The following LAMB1 variants were observed in gnomAD, a reference collection of about 807,000 sequenced individuals.
LAMB1 encodes the protein laminin subunit beta 1, also known as laminin subunit beta-1.
Under a neutral mutation model 222.3 loss-of-function variants are expected in LAMB1, and 121 were observed. The observed-to-expected ratio is 0.54, with a 90% CI of 0.47 to 0.63. The LOEUF is 0.63. Among genes scored for constraint, LAMB1 ranks in the 30% least tolerant of loss-of-function variants. The pLI, the probability that LAMB1 is intolerant of heterozygous loss-of-function variation, is 0.00. For missense variants in LAMB1, 2,172 were observed against 2,240.8 expected (o/e 0.97, Z 0.62); for synonymous variants, 794 against 807.2 (o/e 0.98, Z 0.28).
chr7:107,932,447 G>C, intron 27 of LAMB1, 70 bp from the exon 28 acceptor site: 2 of 1,481,944 alleles, frequency 1.3e-6, no homozygotes, highest in Non-Finnish European at 1.9e-6. Flanking sequence ...AGCTGTGCAG[G>C]GCCTGGGTGG....
intron 23 of LAMB1, among the ~76,000 whole-genome samples, chr7:107,951,686 T>C (rs183687264): frequency 1.2e-3 from 183 of 152,312 alleles, no homozygotes; most frequent in Non-Finnish European, 2.1e-3. Context: ...ATGCTGGGTA[T>C]GGCTAATTGG....
chr7:107,972,986 A>AT lies in LAMB1; in HGVS notation c.1562+5dup. ...AGGACAAGAGCATACGTAGAGCTCC[A>AT]TTTACCTGTTGTTTAAGGCTCCCCC... On this transcript the variant is annotated splice_donor_region_variant and intron_variant, in intron 13 of 33. Coordinates refer to ENST00000222399, the MANE Select transcript of LAMB1 (RefSeq NM_002291.3). The AT allele has an allele frequency of 6.2e-7, 1 of 1,609,540 alleles. No individual in the cohort carries two copies. Among genetic ancestry groups the AT allele is most frequent in the Non-Finnish European group, 8.5e-7 (1 of 1,175,836 alleles).
At chr7:107,985,680 A>T (rs2034061816) in intron 7 of LAMB1, among the ~76,000 whole-genome samples, 2 of 151,628 alleles carry the variant, frequency 1.3e-5, no homozygotes, top group Non-Finnish European at 2.9e-5. Flanking sequence ...TATTTGGGTC[A>T]GGCGTGGTGG....
At chr7:108,002,780 G>A in intron 2 of LAMB1, 69 bp downstream of exon 2, 1 of 1,605,482 alleles carries the variant, frequency 6.2e-7, no homozygotes, top group Non-Finnish European at 8.5e-7. Flanking sequence ...AGGTGAGCAA[G>A]CAGCTTTTGG....
chr7:107,986,415 CT>C (rs1209005154), intron 5 of LAMB1, 52 bp from the exon 6 acceptor site: 8 of 1,483,960 alleles, frequency 5.4e-6, no homozygotes, highest in Non-Finnish European at 7.3e-6. Context: ...GTAGTCTCTA[CT>C]TTTTTTAATC....
At position 107,929,471 on chromosome 7, in the gene LAMB1, C is replaced by G; in HGVS notation, c.4686G>C (p.Gln1562His). Residue 1562 changes from glutamine to histidine, a missense_variant, in exon 30 of 34, where the codon CAG (glutamine) becomes CAC (histidine). Gln to His is a conservative substitution (Grantham distance 24, BLOSUM62 0). Coordinates refer to ENST00000222399, the MANE Select transcript of LAMB1 (RefSeq NM_002291.3). ...ESLSQVEVIL[Q>H]HSAADIARAE... is the part of the protein sequence containing the mutation. ...CTCTGGCAATGTCAGCAGCACTATG[C>G]TGAAGAATAACCTCTACTTGAGAAA... is the stretch of plus-strand genomic sequence containing the variant. 1.2e-6 allele frequency: 2 copies of G among 1,614,126 alleles called. No homozygotes were observed. The highest frequency in any genetic ancestry group is 1.7e-6 in the Non-Finnish European group (2 of 1,180,008).
chr7:107,937,218 G>T lies in LAMB1; in HGVS notation c.3821C>A (p.Thr1274Lys). Residue 1274 changes from threonine to lysine, a missense_variant, in exon 26 of 34, where the codon ACA (threonine) becomes AAA (lysine). By Grantham distance (78) the Thr-to-Lys change is moderately conservative (BLOSUM62 -1). Coordinates refer to ENST00000222399, the MANE Select transcript of LAMB1 (RefSeq NM_002291.3). ...GGCTGTGCTGTTGCTTTGGGAAGTT[G>T]TGTCAGATAATTTCACTTCTACTTG... ...MAQVEVKLSDTTSQSNSTAKE... is the reference protein window; with the variant it reads ...MAQVEVKLSDKTSQSNSTAKE... 1 of 1,613,866 alleles carries T rather than the reference G, an allele frequency of 6.2e-7. No homozygotes were observed. The highest frequency in any genetic ancestry group is 8.5e-7 in the Non-Finnish European group (1 of 1,179,814).
intron 2 of LAMB1, chr7:108,002,023 G>C (rs2034397755): frequency 6.9e-7 from 1 of 1,445,446 alleles, no homozygotes; most frequent in Non-Finnish European, 9.1e-7. Flanking sequence ...ACCCTGATCA[G>C]CCCCGGGGAG....
rs201609456 is a variant in LAMB1 at position 107,929,514 on chromosome 7, C to T, written c.4643G>A (p.Arg1548His). 33 of 1,614,022 alleles carry T rather than the reference C, an allele frequency of 2.0e-5. No individual in the cohort carries two copies. The highest frequency in any genetic ancestry group is 2.7e-5 in the African/African-American group (2 of 75,044). The change falls in exon 30 of 34, where the codon CGT becomes CAT. Residue 1548 changes from arginine (R) to histidine (H), a missense_variant. By Grantham distance (29) the Arg-to-His change is conservative. Coordinates refer to ENST00000222399, the MANE Select transcript of LAMB1 (RefSeq NM_002291.3). ...QQLQNLTEDIRERVESLSQVE... is the reference protein window; with the variant it reads ...QQLQNLTEDIHERVESLSQVE... ...TTGAGAAAGGCTTTCAACTCGTTCA[C>T]GTATATCTTCTGTCAAGTTCTGTAA...
chr7:107,956,450 G>GACC (rs2033378232), intron 20 of LAMB1, among the ~76,000 whole-genome samples: 1 of 152,144 alleles, frequency 6.6e-6, no homozygotes, highest in Admixed American at 6.5e-5. Flanking sequence ...CTACTTGCAG[G>GACC]ACCACTGCGT....
intron 24 of LAMB1, 113 bp downstream of exon 24, chr7:107,951,113 T>G: frequency 1.4e-6 from 1 of 716,432 alleles, no homozygotes; most frequent in Non-Finnish European, 2.4e-6. Flanking sequence ...TAAATACAGG[T>G]TCTTATAGAC....
chr7:107,932,154 G>A lies in LAMB1; in HGVS notation c.4392+20C>T, dbSNP rs1308214646. ...AAAGCAAACATACATAACAAAAACT[G>A]AGGCCATCCACTGAGTTACCATCTT... On this transcript the variant is annotated intron_variant, in intron 28 of 33. Coordinates refer to ENST00000222399, the MANE Select transcript of LAMB1 (RefSeq NM_002291.3). 1 of 1,611,430 alleles carries A rather than the reference G, an allele frequency of 6.2e-7. No homozygotes were observed. Among genetic ancestry groups the A allele is most frequent in the East Asian group, 2.2e-5 (1 of 44,878 alleles).
intron 2 of LAMB1, 182 bp from the exon 3 acceptor site, chr7:108,001,915 C>A: frequency 6.8e-7 from 1 of 1,461,182 alleles, no homozygotes; most frequent in East Asian, 2.5e-5. Flanking sequence ...GGCAGGGACT[C>A]CGAAAGGAGA....
chr7:107,933,978 G>C (rs1285681225), intron 27 of LAMB1, among the ~76,000 whole-genome samples: 1 of 151,804 alleles, frequency 6.6e-6, no homozygotes, highest in African/African-American at 2.4e-5. Context: ...ACTTGTTTGT[G>C]ATAACTGATT....
chr7:107,984,487 A>T (rs990245866), intron 7 of LAMB1, among the ~76,000 whole-genome samples: 5 of 152,212 alleles, frequency 3.3e-5, no homozygotes, highest in African/African-American at 9.6e-5. Flanking sequence ...ACCTCAAGTG[A>T]TCCGCCTGCC....
chr7:107,927,290 TTTAG>T (rs2032588186), intron 31 of LAMB1, among the ~76,000 whole-genome samples: 2 of 152,278 alleles, frequency 1.3e-5, no homozygotes, highest in South Asian at 2.1e-4. Context: ...ATGAACACAG[TTTAG>T]TTAGAGGTTC....
intron 26 of LAMB1, 45 bp downstream of exon 26, chr7:107,937,048 C>T (rs776227833): frequency 1.7e-5 from 26 of 1,498,518 alleles, no homozygotes; most frequent in East Asian, 2.3e-5. Flanking sequence ...TTAGACATAT[C>T]GTTAAATCCA....
chr7:107,975,185 G>C, intron 11 of LAMB1, 49 bp downstream of exon 11: 1 of 1,579,822 alleles, frequency 6.3e-7, no homozygotes, highest in Non-Finnish European at 8.7e-7. Context: ...AGTAAAATGG[G>C]AATTTCAAAC....
At chr7:107,945,789 A>C (rs544284974) in intron 24 of LAMB1, among the ~76,000 whole-genome samples, 10 of 152,322 alleles carry the variant, frequency 6.6e-5, no homozygotes, top group African/African-American at 2.4e-4. Flanking sequence ...AATATGCCTA[A>C]AAGTGCTTGG....
Sources: allele counts gnomAD v4.1 joint callset (sites outside exome capture counted in the v4.1 genomes callset), GRCh38; gene constraint gnomAD v4.1.1; transcripts MANE v1.5; gene names NCBI Gene and HGNC (gene_info 2026-07-23, HGNC 2026-07-21).